The following SETD2 variants were observed in gnomAD, a reference collection of about 807,000 sequenced individuals.
The protein encoded by SETD2 is SET domain containing 2, histone lysine methyltransferase, also known as histone-lysine N-methyltransferase SETD2.
In SETD2, 31 loss-of-function variants were observed where a neutral mutation model predicts 242.1. The ratio of observed to expected loss-of-function variants is 0.13; its 90% CI spans 0.10 to 0.17. The LOEUF (loss-of-function observed/expected upper bound fraction) is 0.17. SETD2 is among the 10% of genes least tolerant of loss of function. The pLI, the probability that SETD2 is intolerant of heterozygous loss-of-function variation, is 1.00. For missense variants in SETD2, 2,481 were observed against 3,046.3 expected (o/e 0.81, Z 4.37); for synonymous variants, 1,006 against 1,066.5 (o/e 0.94, Z 1.11).
At chr3:47,093,614 T>G (rs996022512) in intron 9 of SETD2, among the ~76,000 whole-genome samples, 1 of 152,144 alleles carries the variant, frequency 6.6e-6, no homozygotes, top group African/African-American at 2.4e-5. Flanking sequence ...TTTGAGTTAT[T>G]TCTACTTTTT....
At chr3:47,156,167 T>C (rs1439229165) in intron 1 of SETD2, among the ~76,000 whole-genome samples, 1 of 152,238 alleles carries the variant, frequency 6.6e-6, no homozygotes, top group African/African-American at 2.4e-5. Context: ...CTGGCCATCC[T>C]GCTTCCATCC....
At chr3:47,089,288 A>C (rs1334704415) in intron 9 of SETD2, among the ~76,000 whole-genome samples, 1 of 152,148 alleles carries the variant, frequency 6.6e-6, no homozygotes, top group Non-Finnish European at 1.5e-5. Context: ...TCTACTAAAA[A>C]TCAAAAAAAT....
At chr3:47,112,205 G>A (rs1320978724) in intron 5 of SETD2, among the ~76,000 whole-genome samples, 4 of 145,600 alleles carry the variant, frequency 2.7e-5, no homozygotes, top group Non-Finnish European at 4.5e-5. Flanking sequence ...CCTCCTCCTC[G>A]TGGGTTCAAG....
At chr3:47,054,562 ACAAAAC>A (rs1288520572) in intron 15 of SETD2, among the ~76,000 whole-genome samples, 1 of 152,210 alleles carries the variant, frequency 6.6e-6, no homozygotes, top group African/African-American at 2.4e-5. Context: ...TGACAGTAAA[ACAAAAC>A]CAAAACCAAA....
chr3:47,126,276 C>T (rs1300845761), intron 2 of SETD2, among the ~76,000 whole-genome samples: 1 of 152,242 alleles, frequency 6.6e-6, no homozygotes, highest in African/African-American at 2.4e-5. Context: ...CCTGCCTCAG[C>T]TTCCCAAAGT....
chr3:47,024,344 C>T (rs917148163), intron 18 of SETD2, among the ~76,000 whole-genome samples: 4 of 152,248 alleles, frequency 2.6e-5, no homozygotes, highest in South Asian at 2.1e-4. Flanking sequence ...TGGTGGCAGG[C>T]GCCTGTAATC....
chr3:47,151,227 T>C (rs2043975503), intron 1 of SETD2, among the ~76,000 whole-genome samples: 1 of 152,108 alleles, frequency 6.6e-6, no homozygotes, highest in Non-Finnish European at 1.5e-5. Flanking sequence ...TGAGAATAGA[T>C]GAATGCTAAG....
At chr3:47,138,312 C>A in intron 1 of SETD2, 2 of 298,534 alleles carry the variant, frequency 6.7e-6, no homozygotes, top group South Asian at 2.9e-5. Context: ...CTCTGTCGCC[C>A]AGGCTGGAGT....
In SETD2 at chr3:47,133,542, G is replaced by T. The variant is rs533009855; in HGVS notation, c.72-6879C>A. ...GAGTCCAGGAGTTGGAGACCAGCCT[G>T]GCCAACATGGTGAAACCCCATCTCT... is the stretch of plus-strand genomic sequence containing the variant. On this transcript the variant is annotated intron_variant, in intron 1 of 20. Coordinates refer to ENST00000409792, the MANE Select transcript of SETD2 (RefSeq NM_014159.7). Among the ~76,000 whole-genome samples, 27 of 152,198 alleles carry T rather than the reference G, an allele frequency of 1.8e-4. No individual in the cohort carries two copies. The South Asian group carries it at 2.5e-3, about 14-fold the overall frequency.
intron 1 of SETD2, among the ~76,000 whole-genome samples, chr3:47,138,671 T>C (rs1226987822): frequency 6.6e-6 from 1 of 152,088 alleles, no homozygotes; most frequent in East Asian, 1.9e-4. Context: ...TTCACCCACC[T>C]TGGCCTCCCA....
chr3:47,110,577 C>T (rs2042610354), intron 5 of SETD2, among the ~76,000 whole-genome samples: 1 of 152,168 alleles, frequency 6.6e-6, no homozygotes, highest in Non-Finnish European at 1.5e-5. Flanking sequence ...GGCACTTTAA[C>T]ACTAACTAGT....
chr3:47,041,385 C>T (rs1253678567), intron 17 of SETD2: 10 of 446,978 alleles, frequency 2.2e-5, no homozygotes, highest in Admixed American at 5.0e-5. Flanking sequence ...TGGTGCCTCA[C>T]GCCTGTCATC....
In SETD2 at chr3:47,138,799, C is replaced by G. The variant is rs568792892; in HGVS notation, c.72-12136G>C. On this transcript the variant is annotated intron_variant, in intron 1 of 20. Transcript: ENST00000409792. ...CAGGCTGGTCTCAAATTCCTGGTCTCAAGTGATCTGCCCACCTCAGCCTCC... is the reference window on the plus strand; with the variant it reads ...CAGGCTGGTCTCAAATTCCTGGTCTGAAGTGATCTGCCCACCTCAGCCTCC... 3.9e-5 allele frequency among the ~76,000 whole-genome samples: 6 copies of G among 152,290 alleles called. No homozygotes were observed. The East Asian group carries it at 1.2e-3, about 29-fold the overall frequency.
intron 18 of SETD2, among the ~76,000 whole-genome samples, chr3:47,023,563 C>T (rs1217022049): frequency 6.6e-6 from 1 of 151,988 alleles, no homozygotes; most frequent in Non-Finnish European, 1.5e-5. Context: ...TGAACCTGTA[C>T]ATGTCAATTT....
In SETD2 at chr3:47,123,689, C is replaced by A; in HGVS notation, c.947G>T (p.Gly316Val). Residue 316 changes from glycine to valine, a missense_variant, in exon 3 of 21, where the codon GGC (glycine) becomes GTC (valine). Around this residue, in one of 17 missense-constraint regions of SETD2, gnomAD observed 334 missense variants for 374.5 expected, o/e 0.89. Coordinates refer to ENST00000409792, the MANE Select transcript of SETD2 (RefSeq NM_014159.7). ...GSKKKSSQSE[G>V]IFLGSESDED... ...ATCAGATTCTGAACCAAGAAAGATG[C>A]CTTCAGATTGTGAGGATTTCTTCTT... is the stretch of plus-strand genomic sequence containing the variant. 6.4e-7 allele frequency: 1 copy of A among 1,551,278 alleles called. No homozygotes were observed. Among genetic ancestry groups the A allele is most frequent in the East Asian group, 2.4e-5 (1 of 40,908 alleles).
intron 2 of SETD2, among the ~76,000 whole-genome samples, chr3:47,125,977 T>A (rs957013157): frequency 6.6e-6 from 1 of 152,248 alleles, no homozygotes; most frequent in Non-Finnish European, 1.5e-5. Flanking sequence ...ATAGTAGTCA[T>A]TCAAGTTGGA....
intron 12 of SETD2, among the ~76,000 whole-genome samples, chr3:47,077,810 A>C (rs150236349): frequency 1.3e-3 from 196 of 152,326 alleles, no homozygotes; most frequent in African/African-American, 4.6e-3. Flanking sequence ...AAAAGGTAAA[A>C]GAAAATAATG....
chr3:47,056,091 G>GCT (rs2040060168), intron 15 of SETD2, among the ~76,000 whole-genome samples: 1 of 56,586 alleles, frequency 1.8e-5, no homozygotes, highest in African/African-American at 4.5e-5. Flanking sequence ...AAGAAAACAT[G>GCT]ATTTTTATTT....
intron 18 of SETD2, among the ~76,000 whole-genome samples, chr3:47,023,129 G>A (rs557855634): frequency 2.0e-5 from 3 of 152,264 alleles, no homozygotes; most frequent in South Asian, 2.1e-4. Context: ...GGCTGGGCAC[G>A]GTGGCTCATG....
Sources: allele counts gnomAD v4.1 joint callset (sites outside exome capture counted in the v4.1 genomes callset), GRCh38; gene constraint gnomAD v4.1.1; regional missense constraint gnomAD v4.1.1; transcripts MANE v1.5; gene names NCBI Gene and HGNC (gene_info 2026-07-23, HGNC 2026-07-21).